Variants in DMD observed in about 807,000 individuals in gnomAD.
The protein encoded by DMD is dystrophin.
Under a neutral mutation model 330.1 loss-of-function variants are expected in DMD, and 63 were observed. The ratio of observed to expected loss-of-function variants is 0.19; its 90% CI spans 0.16 to 0.24. DMD has a LOEUF of 0.24. Ranked by LOEUF, DMD falls within the 10% of genes least tolerant of loss-of-function variation. The probability of loss-of-function intolerance (pLI) is 1.00; values close to 1 mark genes in which losing one functional copy is unlikely to be tolerated. For synonymous variants in DMD, 1,223 were observed against 959.8 expected (o/e 1.27, Z -5.07); for missense variants, 3,344 against 2,684.1 (o/e 1.25, Z -5.43).
At chrX:32,796,797 A>T (rs1427875407) in intron 7 of DMD, among the ~76,000 whole-genome samples, 1 of 112,126 alleles carries the variant, frequency 8.9e-6, no homozygotes, top group Non-Finnish European at 1.9e-5. Flanking sequence ...ATTGCTTTAA[A>T]ATAAAATGAC....
At chrX:31,679,211 T>A (rs1389962778) in intron 53 of DMD, among the ~76,000 whole-genome samples, 164 bp downstream of exon 53, 1 of 112,013 alleles carries the variant, frequency 8.9e-6, no homozygotes, top group Non-Finnish European at 1.9e-5. Flanking sequence ...ACAGTGAGAC[T>A]CTGTCTCTAA....
At chrX:31,328,664 C>A (rs185293541) in intron 61 of DMD, among the ~76,000 whole-genome samples, 2 of 111,057 alleles carry the variant, frequency 1.8e-5, no homozygotes, top group African/African-American at 3.3e-5. Flanking sequence ...CCTGCCTAAG[C>A]CTTATTTTCC....
At chrX:33,046,301 T>G (rs965028022) in intron 1 of DMD, among the ~76,000 whole-genome samples, 4 of 111,431 alleles carry the variant, frequency 3.6e-5, no homozygotes, top group African/African-American at 1.3e-4. Context: ...TATAGAAAAA[T>G]TAATAAAATA....
intron 50 of DMD, among the ~76,000 whole-genome samples, chrX:31,776,450 G>C (rs16989821): frequency 0.087 from 9,365 of 107,941 alleles, 586 homozygotes; most frequent in African/African-American, 0.2. Flanking sequence ...CTAATGAGGT[G>C]GAAATGATCA....
At chrX:33,035,067 C>G (rs1326201829) in intron 1 of DMD, among the ~76,000 whole-genome samples, 3 of 111,753 alleles carry the variant, frequency 2.7e-5, no homozygotes, top group Non-Finnish European at 5.6e-5. Flanking sequence ...TCTAAAAGGG[C>G]TCCATGGTTT....
chrX:31,627,943 G>T (rs2078934355), intron 54 of DMD, 81 bp from the exon 55 acceptor site: 5 of 960,824 alleles, frequency 5.2e-6, no homozygotes, highest in Middle Eastern at 2.7e-4. Context: ...AGAGAAAGAT[G>T]GAGGAACTAA....
At chrX:31,991,947 T>C (rs1460298105) in intron 44 of DMD, among the ~76,000 whole-genome samples, 1 of 111,645 alleles carries the variant, frequency 9.0e-6, no homozygotes, top group African/African-American at 3.2e-5. Flanking sequence ...TGAGCTCTCA[T>C]GGAATTTATG....
chrX:32,330,197 G>C (rs2097672343), intron 41 of DMD, among the ~76,000 whole-genome samples: 1 of 111,986 alleles, frequency 8.9e-6, no homozygotes, highest in African/African-American at 3.2e-5. Context: ...ATGTGAATTT[G>C]TATTATTCAT....
chrX:32,698,312 A>G (rs1324989900), intron 8 of DMD, among the ~76,000 whole-genome samples: 1 of 111,529 alleles, frequency 9.0e-6, no homozygotes, highest in Admixed American at 9.6e-5. Flanking sequence ...ACAGGCATCC[A>G]TAAGCAATTT....
chrX:31,916,071 T>A (rs2094604783), intron 47 of DMD, among the ~76,000 whole-genome samples: 1 of 111,917 alleles, frequency 8.9e-6, no homozygotes, highest in Admixed American at 9.5e-5. Context: ...TCTATTAGAA[T>A]CCTGTTTCTT....
chrX:32,094,702 T>C (rs754170631), intron 44 of DMD, among the ~76,000 whole-genome samples: 1 of 110,925 alleles, frequency 9.0e-6, no homozygotes, highest in South Asian at 3.7e-4. Context: ...ATTGGTTATC[T>C]ATTATACTAA....
chrX:33,133,196 C>T (rs1038292261), intron 1 of DMD, among the ~76,000 whole-genome samples: 36 of 111,156 alleles, frequency 3.2e-4, no homozygotes, highest in African/African-American at 1.1e-3. Context: ...TAGGCTCCTG[C>T]TGAGAGTTGG....
intron 2 of DMD, among the ~76,000 whole-genome samples, chrX:32,926,906 T>G (rs1490816036): frequency 9.0e-6 from 1 of 111,423 alleles, no homozygotes; most frequent in Non-Finnish European, 1.9e-5. Context: ...CCATTAAAAT[T>G]AACTATTTAA....
chrX:32,187,606 G>A (rs2096953304), intron 44 of DMD, among the ~76,000 whole-genome samples: 1 of 111,789 alleles, frequency 8.9e-6, no homozygotes, highest in South Asian at 3.7e-4. Flanking sequence ...GAAACAAAAT[G>A]TGAAGCTCAT....
chrX:32,016,582 G>A (rs2095762667), intron 44 of DMD, among the ~76,000 whole-genome samples: 1 of 112,267 alleles, frequency 8.9e-6, no homozygotes, highest in South Asian at 3.7e-4. Context: ...TCCACAAGAA[G>A]TTCTTTGAAG....
At chrX:31,133,271 C>A (rs1001653836) in intron 77 of DMD, among the ~76,000 whole-genome samples, 2 of 111,854 alleles carry the variant, frequency 1.8e-5, no homozygotes, top group Non-Finnish European at 3.8e-5. Flanking sequence ...GGCTTTTCTT[C>A]TATTTGATCA....
intron 44 of DMD, among the ~76,000 whole-genome samples, chrX:32,099,913 C>A (rs1481370818): frequency 9.1e-6 from 1 of 109,816 alleles, no homozygotes; most frequent in Non-Finnish European, 1.9e-5. Flanking sequence ...AAGGATGTAT[C>A]CTACCATGAT....
chrX:32,304,850 G>C (rs762202413), intron 42 of DMD, among the ~76,000 whole-genome samples: 1 of 111,214 alleles, frequency 9.0e-6, no homozygotes, highest in Non-Finnish European at 1.9e-5. Flanking sequence ...AAGTCACAAT[G>C]TATTAATAAA....
intron 1 of DMD, among the ~76,000 whole-genome samples, chrX:33,151,884 TCTCA>T (rs1342806466): frequency 2.7e-5 from 3 of 112,137 alleles, no homozygotes; most frequent in Non-Finnish European, 3.8e-5. Context: ...AAAAGTTTTC[TCTCA>T]CTATTTTTAT....
Sources: allele counts gnomAD v4.1 joint callset (sites outside exome capture counted in the v4.1 genomes callset), GRCh38; gene constraint gnomAD v4.1.1; transcripts MANE v1.5; gene names NCBI Gene and HGNC (gene_info 2026-07-23, HGNC 2026-07-21).